The following SRSF12 variants were observed in gnomAD, a reference collection of about 807,000 sequenced individuals.
SRSF12 encodes serine/arginine-rich splicing factor 12.
In SRSF12, 21 loss-of-function variants were observed where a neutral mutation model predicts 34.1. The observed-to-expected ratio is 0.62, with a 90% confidence interval of 0.44 to 0.89. The LOEUF is 0.89. Ranked by LOEUF, SRSF12 falls within the 40% of genes least tolerant of loss-of-function variation. The pLI, the probability that SRSF12 is intolerant of heterozygous loss-of-function variation, is 0.00. For synonymous variants in SRSF12, 111 were observed against 110.8 expected (o/e 1.00, Z -0.01); for missense variants, 278 against 327.8 (o/e 0.85, Z 1.17).
chr6:89,117,698 C>G (rs1769376124), intron 1 of SRSF12, 125 bp downstream of exon 1: 1 of 973,514 alleles, frequency 1.0e-6, no homozygotes, highest in African/African-American at 1.8e-5. Flanking sequence ...AGTGGCGCAG[C>G]CTGGGCCCGC....
chr6:89,107,178 C>A lies in SRSF12; in HGVS notation c.146G>T (p.Arg49Leu), dbSNP rs191899999. ...VYIPLDFYTR[R>L]PRGFAYVQFE... ...TTGAACATAAGCAAATCCTCTTGGG[C>A]GGCGAGTGTAGAAGTCAAGTGGAAT... Residue 49 changes from arginine (R) to leucine (L), a missense_variant, in exon 2 of 5, where the codon CGC (arginine) becomes CTC (leucine). Arg to Leu is a moderately radical substitution (Grantham distance 102). Coordinates refer to ENST00000452027, the MANE Select transcript of SRSF12 (RefSeq NM_080743.5). 4 of 1,613,882 alleles carry A rather than the reference C, an allele frequency of 2.5e-6. No homozygotes were observed. In the Admixed American group the frequency reaches 6.7e-5, roughly 27 times the overall value.
intron 1 of SRSF12, among the ~76,000 whole-genome samples, chr6:89,110,330 G>T (rs1768985768): frequency 6.6e-6 from 1 of 152,150 alleles, no homozygotes; most frequent in African/African-American, 2.4e-5. Flanking sequence ...GCTCAAGCAA[G>T]CCACTCAAGT....
chr6:89,109,270 C>G (rs1333130672), intron 1 of SRSF12, among the ~76,000 whole-genome samples: 3 of 152,220 alleles, frequency 2.0e-5, no homozygotes, highest in Non-Finnish European at 4.4e-5. Flanking sequence ...CAGGACTTCA[C>G]AGGCAATTCT....
At chr6:89,107,393 G>T in intron 1 of SRSF12, 135 bp from the exon 2 acceptor site, 1 of 654,774 alleles carries the variant, frequency 1.5e-6, no homozygotes, top group Non-Finnish European at 2.6e-6. Flanking sequence ...TTTTTTGTAA[G>T]AATCATGCAA....
At chr6:89,110,028 T>C (rs988776021) in intron 1 of SRSF12, among the ~76,000 whole-genome samples, 13 of 152,106 alleles carry the variant, frequency 8.5e-5, no homozygotes, top group African/African-American at 1.2e-4. Flanking sequence ...GAGGCGGAGC[T>C]TGCAGTGAGC....
intron 2 of SRSF12, among the ~76,000 whole-genome samples, chr6:89,106,221 T>C (rs1582263303): frequency 6.6e-6 from 1 of 152,124 alleles, no homozygotes; most frequent in Non-Finnish European, 1.5e-5. Flanking sequence ...CAAGAGATTC[T>C]CCCGCCTCAG....
At chr6:89,115,367 C>T (rs1397958996) in intron 1 of SRSF12, among the ~76,000 whole-genome samples, 2 of 152,058 alleles carry the variant, frequency 1.3e-5, no homozygotes, top group African/African-American at 4.8e-5. Context: ...CTGCCAACCT[C>T]CACCTCTGGG....
chr6:89,117,744 G>C, intron 1 of SRSF12, 79 bp downstream of exon 1: 1 of 1,379,926 alleles, frequency 7.2e-7, no homozygotes, highest in Non-Finnish European at 9.5e-7. Flanking sequence ...AGCCTCCGCC[G>C]GGCCTCGGCC....
rs770572873 is a variant in SRSF12 at position 89,098,950 on chromosome 6, G to A, written c.417-3C>T. The A allele has an allele frequency of 6.2e-7, 1 of 1,608,714 alleles. No homozygotes were observed. The highest frequency in any genetic ancestry group is 2.2e-5 in the East Asian group (1 of 44,836). ...AAGAAAATCGCCTGTGTCGAGACCT[G>A]CAAACATCCATAATGTTAGAGCATA... On this transcript the variant is annotated splice_polypyrimidine_tract_variant and splice_region_variant and intron_variant, in intron 4 of 4. Coordinates refer to ENST00000452027, the MANE Select transcript of SRSF12 (RefSeq NM_080743.5).
At chr6:89,106,956 C>G (rs760015191) in intron 2 of SRSF12, 198 bp downstream of exon 2, 5 of 625,940 alleles carry the variant, frequency 8.0e-6, no homozygotes, top group Non-Finnish European at 1.5e-5. Context: ...TGGGTTTATG[C>G]TTGGATTCTA....
At chr6:89,112,730 T>C (rs749820915) in intron 1 of SRSF12, among the ~76,000 whole-genome samples, 10 of 152,090 alleles carry the variant, frequency 6.6e-5, no homozygotes, top group African/African-American at 9.7e-5. Flanking sequence ...ATTTTCCATA[T>C]ATAGCTTTTT....
chr6:89,099,369 C>A (rs1768401211), intron 4 of SRSF12, among the ~76,000 whole-genome samples: 1 of 133,370 alleles, frequency 7.5e-6, no homozygotes, highest in African/African-American at 2.8e-5. Flanking sequence ...TTAGACTAAT[C>A]TTCCCATAGA....
chr6:89,113,394 G>A (rs906400054), intron 1 of SRSF12, among the ~76,000 whole-genome samples: 6 of 152,050 alleles, frequency 3.9e-5, no homozygotes, highest in African/African-American at 1.2e-4. Context: ...GGCTGGTCTC[G>A]AACTCCTGAC....
At chr6:89,105,052 TCA>T in intron 4 of SRSF12, 65 bp downstream of exon 4, 1 of 1,389,862 alleles carries the variant, frequency 7.2e-7, no homozygotes, top group Non-Finnish European at 9.5e-7. Flanking sequence ...TGAGACCCTA[TCA>T]AAAAAATATA....
chr6:89,097,490 T>C lies in SRSF12; in HGVS notation c.*1088A>G. On this transcript the variant is annotated 3_prime_UTR_variant, in exon 5 of 5. Coordinates refer to ENST00000452027, the MANE Select transcript of SRSF12 (RefSeq NM_080743.5). ...AATTCAAATACTGCAAAGTTGTTTT[T>C]TGAAGATGTAGTCTCGAGTTTCTTC... is the stretch of plus-strand genomic sequence containing the variant. 6.7e-6 allele frequency: 1 copy of C among 149,934 alleles called. No homozygotes were observed. Among genetic ancestry groups the C allele is most frequent in the African/African-American group, 2.5e-5 (1 of 39,326 alleles). The allele number at this position is 149,934 out of a possible 1,614,324, so 9.3% of individuals were successfully genotyped here. A position where few individuals can be genotyped will look rare whatever the true frequency, so the allele number is the denominator to read the frequency against.
chr6:89,098,580 A>C lies in SRSF12; in HGVS notation c.784T>G (p.Ter262GlyextTer11). 6.2e-7 allele frequency: 1 copy of C among 1,607,582 alleles called. No individual in the cohort carries two copies. Among genetic ancestry groups the C allele is most frequent in the Non-Finnish European group, 8.5e-7 (1 of 1,175,246 alleles). Reference protein sequence around the residue: ...SRSYRHKNSW* With the variant: ...SRSYRHKNSWG ...CGTGGTGCTCTTTCTGTTGCTGTTC[A>C]CCAACTGTTTTTATGACGATAACTT... The change falls in exon 5 of 5, where the codon TGA becomes GGA. Residue 262 changes from the stop codon to glycine, a stop_lost. Coordinates refer to ENST00000452027, the MANE Select transcript of SRSF12 (RefSeq NM_080743.5).
chr6:89,109,959 C>T (rs1023753345), intron 1 of SRSF12, among the ~76,000 whole-genome samples: 4 of 151,960 alleles, frequency 2.6e-5, no homozygotes, highest in East Asian at 1.9e-4. Flanking sequence ...GGCGTGGTGG[C>T]GGGCGCCTGT....
intron 1 of SRSF12, among the ~76,000 whole-genome samples, chr6:89,109,612 T>A (rs145935417): frequency 2.2e-4 from 34 of 152,304 alleles, no homozygotes; most frequent in African/African-American, 7.9e-4. Context: ...CACAGAGGTC[T>A]GGAGTCTGGA....
chr6:89,114,914 C>T (rs571114110), intron 1 of SRSF12, among the ~76,000 whole-genome samples: 5 of 151,568 alleles, frequency 3.3e-5, no homozygotes, highest in African/African-American at 1.2e-4. Context: ...CTCCTGTCTC[C>T]GCCTCCCGAG....
Sources: gnomAD v4.1 joint callset for allele counts (sites outside exome capture counted in the v4.1 genomes callset) on GRCh38, gnomAD v4.1.1 for gene constraint, MANE v1.5 for transcripts, NCBI Gene and HGNC (gene_info 2026-07-23, HGNC 2026-07-21) for gene names.